The following PCNA variants were observed in gnomAD, a reference collection of about 807,000 sequenced individuals.
PCNA encodes the protein DNA sliding clamp PCNA.
PCNA carries 4 observed loss-of-function variants against 27.8 expected under a neutral mutation model. The ratio of observed to expected loss-of-function variants is 0.14; its 90% CI spans 0.07 to 0.33. The LOEUF is 0.33. Among genes scored for constraint, PCNA ranks in the 10% least tolerant of loss-of-function variants. The probability of loss-of-function intolerance (pLI) is 1.00; values close to 1 mark genes in which losing one functional copy is unlikely to be tolerated. For synonymous variants in PCNA, 121 were observed against 119.4 expected (o/e 1.01, Z -0.09); for missense variants, 165 against 327.4 (o/e 0.50, Z 3.83).
rs1409445106 is a variant in PCNA at position 5,117,671 on chromosome 20, A to G, written c.388-7T>C. ...CACAGCTGTACTCCTGTTCCTATTA[A>G]GAACAAAAATTTTCCAAAAGTTAAT... On this transcript the variant is annotated splice_polypyrimidine_tract_variant and splice_region_variant and intron_variant, in intron 3 of 5. Coordinates refer to ENST00000379143, the MANE Select transcript of PCNA (RefSeq NM_182649.2). 2.6e-6 allele frequency: 4 copies of G among 1,525,502 alleles called. No individual in the cohort carries two copies. The East Asian group carries it at 9.4e-5, about 36-fold the overall frequency. The allele number at this position is 1,525,502 out of a possible 1,614,324, so 94.5% of individuals were successfully genotyped here.
intron 4 of PCNA, 51 bp downstream of exon 4, chr20:5,117,419 A>G (rs17351): frequency 0.021 from 24,933 of 1,197,852 alleles, 328 homozygotes; most frequent in Non-Finnish European, 0.025. Flanking sequence ...CCTAATAAGC[A>G]GTATTATAAT....
upstream of PCNA, among the ~76,000 whole-genome samples, chr20:5,120,372 C>G (rs2090510870): frequency 6.6e-6 from 1 of 152,220 alleles, no homozygotes; most frequent in South Asian, 2.1e-4. Context: ...CAAATATGCA[C>G]TTTATTTTTC....
chr20:5,119,887 G>C lies in PCNA; in HGVS notation c.-89C>G. ...GGCTTCAGGAGCCTCAGAGCGAGCGGGCGAACGTCGCGACGACCGGCTGAG... is the reference window on the plus strand; with the variant it reads ...GGCTTCAGGAGCCTCAGAGCGAGCGCGCGAACGTCGCGACGACCGGCTGAG... On this transcript the variant is annotated 5_prime_UTR_variant, in exon 1 of 6. Coordinates refer to ENST00000379143, the MANE Select transcript of PCNA (RefSeq NM_182649.2). The C allele has an allele frequency of 9.7e-7, 1 of 1,029,916 alleles. No homozygotes were observed. The highest frequency in any genetic ancestry group is 1.5e-6 in the Non-Finnish European group (1 of 689,328). The allele number at this position is 1,029,916 out of a possible 1,614,324, so 63.8% of individuals were successfully genotyped here.
rs1019074254 is a variant in PCNA at position 5,114,990 on chromosome 20, A to C, written c.*293T>G. 2 of 249,090 alleles carry C rather than the reference A, an allele frequency of 8.0e-6. No homozygotes were observed. The highest frequency in any genetic ancestry group is 4.6e-5 in the African/African-American group (2 of 43,600). 15.4% of individuals were successfully genotyped at this position (249,090 alleles called of 1,614,324 possible). A position where few individuals can be genotyped will look rare whatever the true frequency, so the allele number is the denominator to read the frequency against. ...TTCAAGTAACTTTATTTAAATTCAAAAACAATTCTTAAAACTGCATTTAGA... is the reference window on the plus strand; with the variant it reads ...TTCAAGTAACTTTATTTAAATTCAACAACAATTCTTAAAACTGCATTTAGA... On this transcript the variant is annotated 3_prime_UTR_variant, in exon 6 of 6. Coordinates refer to ENST00000379143, the MANE Select transcript of PCNA (RefSeq NM_182649.2).
upstream of PCNA, among the ~76,000 whole-genome samples, chr20:5,123,502 C>T: frequency 6.6e-6 from 1 of 151,992 alleles, no homozygotes; most frequent in East Asian, 1.9e-4. Flanking sequence ...CGAGACCAGC[C>T]AGGCCAACAT....
upstream of PCNA, among the ~76,000 whole-genome samples, chr20:5,120,245 C>T (rs1467615092): frequency 6.6e-6 from 1 of 152,244 alleles, no homozygotes; most frequent in Non-Finnish European, 1.5e-5. Flanking sequence ...TATGGTGGCT[C>T]CTCAGCCTCC....
At chr20:5,120,527 T>G (rs563549235), upstream of PCNA, among the ~76,000 whole-genome samples, 1 of 149,850 alleles carries the variant, frequency 6.7e-6, no homozygotes, top group South Asian at 2.1e-4. Context: ...TTTTAAAGCT[T>G]TTTTAAAAGT....
Position 5,119,860 on chromosome 20 carries a change from T to G in PCNA, c.-62A>C. The G allele has an allele frequency of 1.5e-6, 2 of 1,376,396 alleles. No individual in the cohort carries two copies. The highest frequency in any genetic ancestry group is 5.0e-5 in the East Asian group (2 of 40,040). 85.3% of individuals were successfully genotyped at this position (1,376,396 alleles called of 1,614,324 possible). Reference sequence around the variant, plus strand: ...GGGAAGGAGGAAAGTCTAGCTGGTTTCGGCTTCAGGAGCCTCAGAGCGAGC... The same window carrying G: ...GGGAAGGAGGAAAGTCTAGCTGGTTGCGGCTTCAGGAGCCTCAGAGCGAGC... On this transcript the variant is annotated 5_prime_UTR_variant, in exon 1 of 6. Coordinates refer to ENST00000379143, the MANE Select transcript of PCNA (RefSeq NM_182649.2).
At chr20:5,120,526 T>C (rs2090512163), upstream of PCNA, among the ~76,000 whole-genome samples, 1 of 150,296 alleles carries the variant, frequency 6.7e-6, no homozygotes, top group Non-Finnish European at 1.5e-5. Context: ...CTTTTAAAGC[T>C]TTTTTAAAAG....
intron 4 of PCNA, among the ~76,000 whole-genome samples, chr20:5,117,227 G>A (rs150868457): frequency 7.2e-5 from 11 of 152,342 alleles, no homozygotes; most frequent in Non-Finnish European, 1.3e-4. Context: ...AAGAGCCGGT[G>A]TGGACTTGAT....
At position 5,119,887 on chromosome 20, in the gene PCNA, G is replaced by A; in HGVS notation, c.-89C>T. 3 of 1,029,916 alleles carry A rather than the reference G, an allele frequency of 2.9e-6. No homozygotes were observed. The highest frequency in any genetic ancestry group is 3.0e-4 in the Middle Eastern group (1 of 3,298). The allele number at this position is 1,029,916 out of a possible 1,614,324, so 63.8% of individuals were successfully genotyped here. ...GGCTTCAGGAGCCTCAGAGCGAGCGGGCGAACGTCGCGACGACCGGCTGAG... is the reference window on the plus strand; with the variant it reads ...GGCTTCAGGAGCCTCAGAGCGAGCGAGCGAACGTCGCGACGACCGGCTGAG... On this transcript the variant is annotated 5_prime_UTR_variant, in exon 1 of 6. Coordinates refer to ENST00000379143, the MANE Select transcript of PCNA (RefSeq NM_182649.2).
At chr20:5,119,986 C>A (rs868724100), upstream of PCNA, 3 of 597,478 alleles carry the variant, frequency 5.0e-6, no homozygotes, top group African/African-American at 1.9e-5. Flanking sequence ...CGCGCGCTCT[C>A]ACCCTGCGCC....
upstream of PCNA, among the ~76,000 whole-genome samples, chr20:5,121,115 G>A (rs753591263): frequency 4.6e-5 from 7 of 152,102 alleles, no homozygotes; most frequent in African/African-American, 1.4e-4. Flanking sequence ...GAGCCACCAC[G>A]CCCAGCCAGA....
chr20:5,121,977 T>C (rs1424676122), upstream of PCNA, among the ~76,000 whole-genome samples: 3 of 149,804 alleles, frequency 2.0e-5, no homozygotes, highest in East Asian at 2.0e-4. Flanking sequence ...TTTTTTCTTT[T>C]TCTTTTTCTT....
chr20:5,123,028 A>G (rs1015134996), upstream of PCNA, among the ~76,000 whole-genome samples: 1 of 152,224 alleles, frequency 6.6e-6, no homozygotes, highest in Non-Finnish European at 1.5e-5. Context: ...AGGAGGTAGC[A>G]TCTTATCAGA....
chr20:5,118,181 A>G (rs2090488968), intron 3 of PCNA, among the ~76,000 whole-genome samples: 1 of 152,252 alleles, frequency 6.6e-6, no homozygotes, highest in Non-Finnish European at 1.5e-5. Context: ...TGAGTTTTAG[A>G]CTTGTGGTGA....
intron 4 of PCNA, among the ~76,000 whole-genome samples, chr20:5,116,747 G>A (rs967595753): frequency 2.0e-5 from 3 of 152,124 alleles, no homozygotes; most frequent in African/African-American, 7.2e-5. Context: ...CCGCCTCCTC[G>A]GTTCAAGTCA....
upstream of PCNA, chr20:5,121,382 T>G (rs1175937036): frequency 2.9e-5 from 4 of 140,332 alleles, no homozygotes; most frequent in Non-Finnish European, 6.0e-5. Context: ...AATGCCTTTC[T>G]TTCCTTTTTT....
rs1600448722 is a variant in PCNA, at chr20:5,118,884, C to A, written c.222-18G>T. On this transcript the variant is annotated intron_variant, in intron 1 of 5. Transcript: ENST00000379143. ...TGGACATACTAGAAGACAGGAGACA[C>A]ATGCTTTAAAATCAACGCCGTCTGC... 6.4e-7 allele frequency: 1 copy of A among 1,557,160 alleles called. No homozygotes were observed. Among genetic ancestry groups the A allele is most frequent in the Non-Finnish European group, 8.8e-7 (1 of 1,130,178 alleles).
Sources: gnomAD v4.1 joint callset for allele counts (sites outside exome capture counted in the v4.1 genomes callset) on GRCh38, gnomAD v4.1.1 for gene constraint, MANE v1.5 for transcripts, NCBI Gene and HGNC (gene_info 2026-07-23, HGNC 2026-07-21) for gene names.